FXR1: variants seen among roughly 807,000 people sequenced by gnomAD.
FXR1 encodes the protein FMR1 autosomal homolog 1, also known as RNA-binding protein FXR1.
Under a neutral mutation model 84.0 loss-of-function variants are expected in FXR1, and 15 were observed. The observed-to-expected ratio is 0.18, with a 90% confidence interval of 0.12 to 0.27. The LOEUF is 0.27. Ranked by LOEUF, FXR1 falls within the 10% of genes least tolerant of loss-of-function variation. The pLI, the probability that FXR1 is intolerant of heterozygous loss-of-function variation, is 1.00. For missense variants in FXR1, 480 were observed against 774.4 expected, an observed-to-expected ratio of 0.62 and a Z score of 4.51; for synonymous variants, 245 against 250.7, an observed-to-expected ratio of 0.98 and a Z score of 0.21.
Position 180,953,755 on chromosome 3 carries a change from T to TC in FXR1, c.802-6dup, listed in dbSNP as rs1560006425. 1.4e-6 allele frequency: 2 copies of TC among 1,453,686 alleles called. No individual in the cohort carries two copies. Among genetic ancestry groups the TC allele is most frequent in the Non-Finnish European group, 1.9e-6 (2 of 1,041,252 alleles). 90.0% of individuals were successfully genotyped at this position (1,453,686 alleles called of 1,614,324 possible). Reference sequence around the variant, plus strand: ...GATTTCATTTTTACTTTTCCCCTCATCTACAGAGTGCTGATGCTGTAAAAA... The same window carrying TC: ...GATTTCATTTTTACTTTTCCCCTCATCCTACAGAGTGCTGATGCTGTAAAAA... On this transcript the variant is annotated splice_region_variant and splice_polypyrimidine_tract_variant and intron_variant, in intron 8 of 16. Transcript: ENST00000357559.
chr3:180,926,194 C>T lies in FXR1; in HGVS notation c.52-7140C>T, dbSNP rs186608794. 2.5e-3 allele frequency among the ~76,000 whole-genome samples: 380 copies of T among 151,962 alleles called. 2 individuals carry two copies. The highest frequency in any genetic ancestry group is 8.9e-3 in the African/African-American group (367 of 41,450). On this transcript the variant is annotated intron_variant, in intron 1 of 16. Coordinates refer to ENST00000357559, the MANE Select transcript of FXR1 (RefSeq NM_005087.4). ...AAAAATAAAATGTTTAAATTTCATG[C>T]CAGCGATTCATGAGAAGAGAATTAA...
At chr3:180,971,042 C>T in intron 15 of FXR1, 1 of 841,414 alleles carries the variant, frequency 1.2e-6, no homozygotes. Flanking sequence ...TTGTTTTTGT[C>T]AGAATAGTTC....
At chr3:180,924,595 A>T (rs1358241974) in intron 1 of FXR1, among the ~76,000 whole-genome samples, 3 of 152,212 alleles carry the variant, frequency 2.0e-5, no homozygotes, top group African/African-American at 7.2e-5. Flanking sequence ...AGTTGGGTTT[A>T]GAATCAACAG....
intron 3 of FXR1, among the ~76,000 whole-genome samples, chr3:180,937,411 C>T (rs1340207972): frequency 6.6e-6 from 1 of 152,210 alleles, no homozygotes; most frequent in East Asian, 1.9e-4. Context: ...GAGGGTCCTT[C>T]CCTGTTCCTG....
rs556457637 is a variant in FXR1, at chr3:180,941,098, G to A, written c.198+5867G>A. ...ATATTATATTAAAATGTTGGGATAG[G>A]CGCCTTGAGAGAAATTGGATTAAAA... On this transcript the variant is annotated intron_variant, in intron 3 of 16. Coordinates refer to ENST00000357559, the MANE Select transcript of FXR1 (RefSeq NM_005087.4). Among the ~76,000 whole-genome samples, 3 of 151,844 alleles carry A rather than the reference G, an allele frequency of 2.0e-5. No individual in the cohort carries two copies. The East Asian group carries it at 5.8e-4, about 29-fold the overall frequency.
intron 9 of FXR1, 183 bp downstream of exon 9, chr3:180,954,023 A>T: frequency 1.9e-6 from 1 of 533,052 alleles, no homozygotes; most frequent in East Asian, 3.2e-5. Context: ...TTATTGTCAT[A>T]TGTTAAAAAG....
At chr3:180,930,647 C>A (rs745744126) in intron 1 of FXR1, among the ~76,000 whole-genome samples, 9 of 152,066 alleles carry the variant, frequency 5.9e-5, no homozygotes, top group South Asian at 2.1e-4. Flanking sequence ...CATGGAAATT[C>A]CCAGTTTCTG....
intron 1 of FXR1, among the ~76,000 whole-genome samples, chr3:180,919,250 A>T (rs771856163): frequency 2.0e-5 from 3 of 151,870 alleles, no homozygotes; most frequent in Non-Finnish European, 4.4e-5. Flanking sequence ...ATTAAAAAAA[A>T]ATGTGAAACA....
At chr3:180,972,682 G>A (rs1713732330) in intron 15 of FXR1, among the ~76,000 whole-genome samples, 1 of 152,154 alleles carries the variant, frequency 6.6e-6, no homozygotes, top group Non-Finnish European at 1.5e-5. Context: ...ATTTCTGTAT[G>A]GTATTAATTG....
chr3:180,912,908 G>T (rs1366176154), intron 1 of FXR1, among the ~76,000 whole-genome samples, 172 bp downstream of exon 1: 2 of 152,082 alleles, frequency 1.3e-5, no homozygotes, highest in African/African-American at 4.8e-5. Context: ...ACGGTCTCGG[G>T]GGCCGGGGCT....
intron 2 of FXR1, 28 bp downstream of exon 2, chr3:180,933,414 T>G: frequency 7.5e-7 from 1 of 1,333,480 alleles, no homozygotes; most frequent in Non-Finnish European, 1.1e-6. Context: ...ACAAAGGCCT[T>G]AATTTTAGAG....
At chr3:180,933,043 A>G (rs113074618) in intron 1 of FXR1, 220 of 319,880 alleles carry the variant, frequency 6.9e-4, no homozygotes, top group African/African-American at 4.6e-3. Flanking sequence ...TAGTCACAAT[A>G]CTAAATAACT....
chr3:180,951,205 A>G (rs1421672790), intron 7 of FXR1, 93 bp from the exon 8 acceptor site: 2 of 708,174 alleles, frequency 2.8e-6, no homozygotes, highest in African/African-American at 3.6e-5. Context: ...CCTTGGTGAC[A>G]GAGTGAGACC....
chr3:180,940,766 G>A (rs1338441012), intron 3 of FXR1, among the ~76,000 whole-genome samples: 1 of 151,938 alleles, frequency 6.6e-6, no homozygotes, highest in East Asian at 1.9e-4. Context: ...GGTAGAGACG[G>A]GTTTTCTCCA....
rs1474699610 is a variant in FXR1, at chr3:180,928,612, T to G, written c.52-4722T>G. 2.0e-5 allele frequency among the ~76,000 whole-genome samples: 3 copies of G among 152,184 alleles called. No individual in the cohort carries two copies. The East Asian group carries it at 5.8e-4, about 29-fold the overall frequency. ...TTATTAGAGCTTCAGACATTTTTTGTACATAGCTTTTGTGCATATGTCTGT... is the reference window on the plus strand; with the variant it reads ...TTATTAGAGCTTCAGACATTTTTTGGACATAGCTTTTGTGCATATGTCTGT... On this transcript the variant is annotated intron_variant, in intron 1 of 16. Coordinates refer to ENST00000357559, the MANE Select transcript of FXR1 (RefSeq NM_005087.4).
chr3:180,934,122 A>G (rs1228980759), intron 2 of FXR1, among the ~76,000 whole-genome samples: 3 of 152,170 alleles, frequency 2.0e-5, no homozygotes, highest in African/African-American at 4.8e-5. Context: ...CTCCAAGAGC[A>G]CTGTTTAATT....
intron 15 of FXR1, among the ~76,000 whole-genome samples, chr3:180,973,661 T>C (rs1713865484): frequency 6.6e-6 from 1 of 152,240 alleles, no homozygotes; most frequent in Non-Finnish European, 1.5e-5. Context: ...TTTAAAAAGC[T>C]TCAAGATGAG....
At chr3:180,917,815 C>G (rs1034765100) in intron 1 of FXR1, among the ~76,000 whole-genome samples, 1 of 151,826 alleles carries the variant, frequency 6.6e-6, no homozygotes, top group Non-Finnish European at 1.5e-5. Context: ...GGTGTGGTGG[C>G]ACGCGCCTGT....
chr3:180,970,012 A>G lies in FXR1; in HGVS notation c.1403-146A>G. The G allele has an allele frequency of 1.3e-5, 6 of 476,618 alleles. No individual in the cohort carries two copies. The South Asian group carries it at 2.1e-4, about 17-fold the overall frequency. The allele number at this position is 476,618 out of a possible 1,614,324, so 29.5% of individuals were successfully genotyped here. On this transcript the variant is annotated intron_variant, in intron 14 of 16. Transcript: ENST00000357559. ...ATCTTTGTTATTTTCCAGGTAAATA[A>G]TATTGAAAACATTTTATTTGAAGAC...
Sources: allele counts gnomAD v4.1 joint callset (sites outside exome capture counted in the v4.1 genomes callset), GRCh38; gene constraint gnomAD v4.1.1; transcripts MANE v1.5; gene names NCBI Gene and HGNC (gene_info 2026-07-23, HGNC 2026-07-21).